The following ANKRD31 variants were observed in gnomAD, a reference collection of about 807,000 sequenced individuals.
ANKRD31 encodes ankyrin repeat domain 31.
Under a neutral mutation model 186.0 loss-of-function variants are expected in ANKRD31, and 147 were observed. The ratio of observed to expected loss-of-function variants is 0.79; its 90% CI spans 0.69 to 0.91. The LOEUF is 0.91. Among genes scored for constraint, ANKRD31 ranks in the 40% least tolerant of loss-of-function variants. The probability of loss-of-function intolerance (pLI) is 0.00; values close to 1 mark genes in which losing one functional copy is unlikely to be tolerated. For synonymous variants in ANKRD31, 673 were observed against 736.4 expected (o/e 0.91, Z 1.39); for missense variants, 1,986 against 2,148.8 (o/e 0.92, Z 1.50).
At chr5:75,205,866 C>A (rs1179025534) in intron 5 of ANKRD31, among the ~76,000 whole-genome samples, 1 of 151,992 alleles carries the variant, frequency 6.6e-6, no homozygotes, top group African/African-American at 2.4e-5. Context: ...TAATACAGCT[C>A]AAACCAAGGC....
At position 75,147,186 on chromosome 5, in the gene ANKRD31, T is replaced by G; in HGVS notation, c.2225A>C (p.Asp742Ala). The change falls in exon 14 of 26, where the codon GAT (aspartate) becomes GCT (alanine). Residue 742 changes from aspartate (D) to alanine (A), a missense_variant. Physicochemically the swap from Asp to Ala is moderately radical, Grantham distance 126. Coordinates refer to ENST00000506364, the MANE Select transcript of ANKRD31 (RefSeq NM_001372053.1). Reference protein sequence around the residue: ...KTQHKRTQVDDVDCNPRKILA... With the variant: ...KTQHKRTQVDAVDCNPRKILA... ...TATCTTTCTTGGATTACAGTCTACA[T>G]CATCTACTTGGGTCCTTTTATGTTG... 1 of 1,536,368 alleles carries G rather than the reference T, an allele frequency of 6.5e-7. No homozygotes were observed. Among genetic ancestry groups the G allele is most frequent in the Non-Finnish European group, 8.7e-7 (1 of 1,146,318 alleles).
At chr5:75,129,599 A>T (rs1434419827) in intron 17 of ANKRD31, among the ~76,000 whole-genome samples, 3 of 152,156 alleles carry the variant, frequency 2.0e-5, no homozygotes, top group Admixed American at 6.5e-5. Flanking sequence ...GATCCAAGGA[A>T]TTTTTTTATA....
intron 17 of ANKRD31, among the ~76,000 whole-genome samples, chr5:75,134,777 T>C (rs888585669): frequency 1.3e-5 from 2 of 152,166 alleles, no homozygotes; most frequent in African/African-American, 4.8e-5. Context: ...AGTAAAATAC[T>C]GGCAAACCGA....
chr5:75,188,516 T>C lies in ANKRD31; in HGVS notation c.1541A>G (p.Asn514Ser). 6 of 1,536,022 alleles carry C rather than the reference T, an allele frequency of 3.9e-6. No homozygotes were observed. Among genetic ancestry groups the C allele is most frequent in the South Asian group, 1.2e-5 (1 of 83,708 alleles). The change falls in exon 10 of 26, where the codon AAT becomes AGT. Residue 514 changes from asparagine (N) to serine (S), a missense_variant. Transcript: ENST00000506364. ...LVHHCIKKGGNVNQPSYAGWT... is the reference protein window; with the variant it reads ...LVHHCIKKGGSVNQPSYAGWT... ...ACCAGCATAACTTGGCTGATTAACA[T>C]TTCCACCTTTTTTTATACAATGATG...
intron 12 of ANKRD31, among the ~76,000 whole-genome samples, chr5:75,152,866 T>C (rs1411971806): frequency 1.3e-5 from 2 of 151,940 alleles, no homozygotes; most frequent in Non-Finnish European, 2.9e-5. Flanking sequence ...TAAAAATATA[T>C]GCATAGATTT....
At chr5:75,221,577 A>C (rs1267653749) in intron 3 of ANKRD31, among the ~76,000 whole-genome samples, 3 of 152,158 alleles carry the variant, frequency 2.0e-5, no homozygotes, top group South Asian at 4.1e-4. Flanking sequence ...AAGGGTGAAA[A>C]ACATAAGAGG....
At chr5:75,085,622 G>A (rs1484051868) in intron 23 of ANKRD31, among the ~76,000 whole-genome samples, 1 of 152,026 alleles carries the variant, frequency 6.6e-6, no homozygotes, top group African/African-American at 2.4e-5. Context: ...GGGTGGTCTC[G>A]AACTCCTGAC....
At chr5:75,229,604 T>C (rs1757819764) in intron 2 of ANKRD31, among the ~76,000 whole-genome samples, 1 of 152,076 alleles carries the variant, frequency 6.6e-6, no homozygotes, top group Admixed American at 6.5e-5. Context: ...AATCAACTCA[T>C]ACCTGTAATC....
rs1271859891 is a variant in ANKRD31, at chr5:75,188,637, C to T, written c.1420G>A (p.Val474Met). The change falls in exon 10 of 26, where the codon GTG (valine) becomes ATG (methionine). Residue 474 changes from valine (V) to methionine (M), a missense_variant. Transcript: ENST00000506364. The part of the protein sequence containing the change: ...QFSGKKEKMK[V>M]NKISLHSINR... ...ATGCTATGAAGAGATATTTTGTTCA[C>T]CTTCATTTTTTCTGAAATGAGGGAA... 6 of 1,525,546 alleles carry T rather than the reference C, an allele frequency of 3.9e-6. No individual in the cohort carries two copies. The highest frequency in any genetic ancestry group is 4.1e-5 in the Admixed American group (2 of 48,630). 94.5% of individuals were successfully genotyped at this position (1,525,546 alleles called of 1,614,324 possible).
At chr5:75,125,073 C>T (rs1367855336) in intron 17 of ANKRD31, among the ~76,000 whole-genome samples, 1 of 152,146 alleles carries the variant, frequency 6.6e-6, no homozygotes, top group Non-Finnish European at 1.5e-5. Flanking sequence ...TCATCTCTAA[C>T]TTCATTTTTA....
intron 11 of ANKRD31, among the ~76,000 whole-genome samples, chr5:75,157,987 A>C (rs1752309413): frequency 1.3e-5 from 2 of 152,226 alleles, no homozygotes; most frequent in Admixed American, 6.5e-5. Context: ...TAATAGAGGC[A>C]GACTACTCAG....
chr5:75,147,152 G>A lies in ANKRD31; in HGVS notation c.2259C>T (p.Val753=), dbSNP rs1751505922. 6.5e-7 allele frequency: 1 copy of A among 1,536,258 alleles called. No homozygotes were observed. Among genetic ancestry groups the A allele is most frequent in the South Asian group, 1.2e-5 (1 of 84,026 alleles). Residue 753 remains valine (V), a synonymous_variant, in exon 14 of 26, where the codon GTC becomes GTT. Transcript: ENST00000506364. The part of the protein sequence containing the change: ...VDCNPRKILA[V]SPSRRINRLV... ...ATCTGTTTATTCTCCTGGAAGGAGAGACAGCTAGTATCTTTCTTGGATTAC... is the reference window on the plus strand; with the variant it reads ...ATCTGTTTATTCTCCTGGAAGGAGAAACAGCTAGTATCTTTCTTGGATTAC...
intron 11 of ANKRD31, among the ~76,000 whole-genome samples, chr5:75,155,290 T>C (rs1273819344): frequency 1.3e-5 from 2 of 152,102 alleles, no homozygotes; most frequent in Non-Finnish European, 2.9e-5. Flanking sequence ...ATACATAATA[T>C]GTATGTATAC....
intron 17 of ANKRD31, among the ~76,000 whole-genome samples, chr5:75,136,081 A>G (rs1750549951): frequency 6.6e-6 from 1 of 152,206 alleles, no homozygotes; most frequent in Non-Finnish European, 1.5e-5. Flanking sequence ...CCTAGGCAAT[A>G]CCATTCAGGA....
At position 75,147,424 on chromosome 5, in the gene ANKRD31, C is replaced by T; in HGVS notation, c.1987G>A (p.Val663Ile). Residue 663 changes from valine to isoleucine, a missense_variant, in exon 14 of 26, where the codon GTC (valine) becomes ATC (isoleucine). Coordinates refer to ENST00000506364, the MANE Select transcript of ANKRD31 (RefSeq NM_001372053.1). ...AAACTCGCTTTGCTTCCTTTATTGA[C>T]TTTTACATGTTCCAGCTTCTGTCTG... Reference protein sequence around the residue: ...SNRQKLEHVKVNKGSKASLFI... With the variant: ...SNRQKLEHVKINKGSKASLFI... The T allele has an allele frequency of 6.6e-7, 1 of 1,518,118 alleles. No individual in the cohort carries two copies. The highest frequency in any genetic ancestry group is 1.2e-5 in the South Asian group (1 of 80,284). The allele number at this position is 1,518,118 out of a possible 1,614,324, so 94.0% of individuals were successfully genotyped here.
At chr5:75,073,361 A>G (rs1331680249) in intron 25 of ANKRD31, among the ~76,000 whole-genome samples, 1 of 152,144 alleles carries the variant, frequency 6.6e-6, no homozygotes. Context: ...GACCAGACAC[A>G]CTTCAAATAA....
At chr5:75,184,404 C>G (rs1291620136) in intron 10 of ANKRD31, among the ~76,000 whole-genome samples, 1 of 151,974 alleles carries the variant, frequency 6.6e-6, no homozygotes, top group East Asian at 1.9e-4. Flanking sequence ...GAGATTACAT[C>G]AAACTAAAAA....
In ANKRD31 at chr5:75,178,409, A is replaced by G. The variant is rs181551365; in HGVS notation, c.1565-9288T>C. Among the ~76,000 whole-genome samples, 615 of 152,298 alleles carry G rather than the reference A, an allele frequency of 4.0e-3. 3 individuals are homozygous for G. Among genetic ancestry groups the G allele is most frequent in the Non-Finnish European group, 5.3e-3 (361 of 68,036 alleles). Reference sequence around the variant, plus strand: ...CCAATAGACATCTACAGAACTCTCCACCCCAAATCATTAGAATATACATTC... The same window carrying G: ...CCAATAGACATCTACAGAACTCTCCGCCCCAAATCATTAGAATATACATTC... On this transcript the variant is annotated intron_variant, in intron 10 of 25. Transcript: ENST00000506364.
intron 10 of ANKRD31, among the ~76,000 whole-genome samples, chr5:75,175,257 G>C (rs964943757): frequency 3.3e-5 from 5 of 152,260 alleles, no homozygotes; most frequent in Non-Finnish European, 5.9e-5. Flanking sequence ...GGGAGGGATA[G>C]CATTAGGAGA....
Sources: allele counts gnomAD v4.1 joint callset (sites outside exome capture counted in the v4.1 genomes callset), GRCh38; gene constraint gnomAD v4.1.1; transcripts MANE v1.5; gene names NCBI Gene and HGNC (gene_info 2026-07-23, HGNC 2026-07-21).